Variants in ATOH8 observed in about 807,000 individuals in gnomAD.
The protein encoded by ATOH8 is atonal bHLH transcription factor 8, also known as transcription factor ATOH8.
A neutral mutation model predicts 21.2 loss-of-function variants in ATOH8; 9 were observed. That is an observed-to-expected ratio of 0.42 (90% CI 0.26 to 0.74). ATOH8 has a LOEUF of 0.74. Ranked by LOEUF, ATOH8 falls within the 30% of genes least tolerant of loss-of-function variation. The pLI, the probability that ATOH8 is intolerant of heterozygous loss-of-function variation, is 0.24. For missense variants in ATOH8, 524 were observed against 470.9 expected, an observed-to-expected ratio of 1.11 and a Z score of -1.04; for synonymous variants, 253 against 224.0, an observed-to-expected ratio of 1.13 and a Z score of -1.16.
At chr2:85,774,522 C>T (rs1337045226) in intron 2 of ATOH8, 10 of 985,482 alleles carry the variant, frequency 1.0e-5, no homozygotes, top group Non-Finnish European at 1.2e-5. Flanking sequence ...GGGAGCCATT[C>T]TCTCCTTTAA....
intron 2 of ATOH8, chr2:85,774,055 C>T: frequency 1.0e-6 from 1 of 976,318 alleles, no homozygotes; most frequent in Non-Finnish European, 1.2e-6. Context: ...GAAGCTACCC[C>T]ACCAGCTCCT....
At position 85,778,832 on chromosome 2, in the gene ATOH8, G is replaced by A. The variant is rs115135441; in HGVS notation, c.961-8053G>A. The stretch of plus-strand genomic sequence containing the variant: ...GTCGGGGCATGTGAACTTACATGTC[G>A]TGTGGGGGTGTCTGTGTAAGGATCA... On this transcript the variant is annotated intron_variant, in intron 2 of 2. Coordinates refer to ENST00000306279, the MANE Select transcript of ATOH8 (RefSeq NM_032827.7). Among the ~76,000 whole-genome samples the A allele has an allele frequency of 2.2e-3, 341 of 152,350 alleles. 4 individuals carry two copies. Among genetic ancestry groups the A allele is most frequent in the African/African-American group, 7.7e-3 (319 of 41,574 alleles).
intron 2 of ATOH8, among the ~76,000 whole-genome samples, chr2:85,767,350 C>G (rs900561119): frequency 2.6e-5 from 4 of 151,940 alleles, no homozygotes; most frequent in African/African-American, 9.7e-5. Context: ...GCACTGCTCA[C>G]AGCGCTCAGT....
chr2:85,775,158 A>G, intron 2 of ATOH8: 1 of 947,500 alleles, frequency 1.1e-6, no homozygotes, highest in South Asian at 4.9e-5. Context: ...GTGATATTAC[A>G]TCCCATGACA....
In ATOH8 at chr2:85,772,376, G is replaced by T. The variant is rs1051104001; in HGVS notation, c.960+8194G>T. Among the ~76,000 whole-genome samples, 4 of 152,214 alleles carry T rather than the reference G, an allele frequency of 2.6e-5. No homozygotes were observed. The South Asian group carries it at 8.3e-4, about 32-fold the overall frequency. Reference sequence around the variant, plus strand: ...CTGCTGGTGAGTCCATGGGAGCTCCGCTGGAACAGAGGGTCCCCCGCCCGG... The same window carrying T: ...CTGCTGGTGAGTCCATGGGAGCTCCTCTGGAACAGAGGGTCCCCCGCCCGG... On this transcript the variant is annotated intron_variant, in intron 2 of 2. Coordinates refer to ENST00000306279, the MANE Select transcript of ATOH8 (RefSeq NM_032827.7).
chr2:85,778,915 C>G (rs548296970), intron 2 of ATOH8, among the ~76,000 whole-genome samples: 14 of 152,334 alleles, frequency 9.2e-5, no homozygotes, highest in African/African-American at 3.1e-4. Context: ...GCTGGGCCAC[C>G]AGTCTGCCCA....
intron 2 of ATOH8, among the ~76,000 whole-genome samples, chr2:85,786,221 G>A (rs2104539920): frequency 6.6e-6 from 1 of 152,288 alleles, no homozygotes; most frequent in East Asian, 1.9e-4. Flanking sequence ...AGGTCTCTGG[G>A]TCCCCCTTCC....
Position 85,754,129 on chromosome 2 carries a change from G to A in ATOH8, c.-61G>A, listed in dbSNP as rs1679586140. On this transcript the variant is annotated 5_prime_UTR_variant, in exon 1 of 3. Coordinates refer to ENST00000306279, the MANE Select transcript of ATOH8 (RefSeq NM_032827.7). ...AAGCGGGAGAGCCAGAGACTCCTCG[G>A]CGCTGAGCGCGGCGGCGGCCCGGGC... 1.4e-6 allele frequency: 2 copies of A among 1,416,546 alleles called. No homozygotes were observed. The highest frequency in any genetic ancestry group is 1.8e-6 in the Non-Finnish European group (2 of 1,092,106). The allele number at this position is 1,416,546 out of a possible 1,614,324, so 87.7% of individuals were successfully genotyped here. A position where few individuals can be genotyped will look rare whatever the true frequency, so the allele number is the denominator to read the frequency against.
intron 1 of ATOH8, among the ~76,000 whole-genome samples, chr2:85,756,169 T>C (rs1182368759): frequency 2.7e-5 from 1 of 36,704 alleles, no homozygotes. Flanking sequence ...GGGAAAGTGG[T>C]CAGTGAGGTG....
In ATOH8 at chr2:85,754,735, G is replaced by GC; in HGVS notation, c.551dup (p.Thr185AspfsTer18). 1 of 1,612,526 alleles carries GC rather than the reference G, an allele frequency of 6.2e-7. No individual in the cohort carries two copies. Among genetic ancestry groups the GC allele is most frequent in the Non-Finnish European group, 8.5e-7 (1 of 1,179,726 alleles). ...CCCCGGAGTCCACTGTGCGCCCTGC[G>GC]CCCCCGACGCGCCCCGGGGAAAGTT... On this transcript the variant is annotated frameshift_variant, in exon 1 of 3. Coordinates refer to ENST00000306279, the MANE Select transcript of ATOH8 (RefSeq NM_032827.7). LOFTEE classifies it high-confidence loss of function.
Position 85,754,034 on chromosome 2 carries a change from T to G in ATOH8, c.-156T>G. On this transcript the variant is annotated 5_prime_UTR_variant, in exon 1 of 3. Transcript: ENST00000306279. ...TCCGGGAACGGACAGCCCGGCGGCT[T>G]CCCGAAGCCGGCGGCGCAGCTGCCC... 2 of 906,224 alleles carry G rather than the reference T, an allele frequency of 2.2e-6. No homozygotes were observed. The highest frequency in any genetic ancestry group is 3.0e-6 in the Non-Finnish European group (2 of 662,046). The allele number at this position is 906,224 out of a possible 1,614,324, so 56.1% of individuals were successfully genotyped here.
intron 2 of ATOH8, among the ~76,000 whole-genome samples, chr2:85,783,271 G>C (rs1356950922): frequency 1.3e-5 from 2 of 152,156 alleles, no homozygotes; most frequent in Non-Finnish European, 2.9e-5. Context: ...AGAACCTGTT[G>C]TTTAAAGGAC....
At position 85,754,510 on chromosome 2, in the gene ATOH8, G is replaced by T. The variant is rs1191565416; in HGVS notation, c.321G>T (p.Ala107=). The T allele has an allele frequency of 2.8e-6, 4 of 1,428,742 alleles. No homozygotes were observed. Among genetic ancestry groups the T allele is most frequent in the Non-Finnish European group, 3.6e-6 (4 of 1,101,026 alleles). 88.5% of individuals were successfully genotyped at this position (1,428,742 alleles called of 1,614,324 possible). The stretch of plus-strand genomic sequence containing the variant: ...CTCGGGCGCCCGAGGTCTCCGACGC[G>T]CGGAAACGCTGCTTCGCCCTAGGCG... The part of the protein sequence containing the change: ...GGSRAPEVSD[A]RKRCFALGAV... The change falls in exon 1 of 3, where the codon GCG becomes GCT. Residue 107 remains alanine (A), a synonymous_variant. Transcript: ENST00000306279.
At chr2:85,778,324 G>A (rs762815557) in intron 2 of ATOH8, among the ~76,000 whole-genome samples, 5 of 152,116 alleles carry the variant, frequency 3.3e-5, no homozygotes, top group African/African-American at 4.8e-5. Context: ...GTGCGCGCGC[G>A]TGTGTGGCAG....
chr2:85,756,347 G>A (rs1443684045), intron 1 of ATOH8, among the ~76,000 whole-genome samples: 1 of 152,130 alleles, frequency 6.6e-6, no homozygotes, highest in Non-Finnish European at 1.5e-5. Flanking sequence ...CGGTGCGTGG[G>A]GGATCCTGCA....
chr2:85,770,920 C>T (rs1457084470), intron 2 of ATOH8, among the ~76,000 whole-genome samples: 2 of 152,196 alleles, frequency 1.3e-5, no homozygotes, highest in Non-Finnish European at 2.9e-5. Context: ...AAAACCAGCT[C>T]TTCCTGCTCA....
Position 85,784,588 on chromosome 2 carries a change from ATTT to A in ATOH8, c.961-2296_961-2294del, listed in dbSNP as rs149472090. ...AAACTGGGTCATTAAAGCCACACAA[ATTT>A]GTTTACTGCAGGACTTTTCGGAGCC... On this transcript the variant is annotated intron_variant, in intron 2 of 2. Transcript: ENST00000306279. Among the ~76,000 whole-genome samples the A allele has an allele frequency of 7.7e-3, 1,171 of 152,254 alleles. 27 individuals are homozygous for A. The highest frequency in any genetic ancestry group is 0.067 in the East Asian group (348 of 5,172).
At chr2:85,763,309 C>A (rs139442740) in intron 1 of ATOH8, among the ~76,000 whole-genome samples, 9 of 152,280 alleles carry the variant, frequency 5.9e-5, no homozygotes, top group Non-Finnish European at 7.3e-5. Context: ...TAGTGAGGAG[C>A]TAGTTGGTGA....
intron 2 of ATOH8, among the ~76,000 whole-genome samples, chr2:85,768,338 C>T (rs549704098): frequency 7.2e-5 from 11 of 152,310 alleles, no homozygotes; most frequent in African/African-American, 2.4e-4. Flanking sequence ...GCTTCACAGT[C>T]ACCCTCCTGG....
Sources: gnomAD v4.1 joint callset for allele counts (sites outside exome capture counted in the v4.1 genomes callset) on GRCh38, gnomAD v4.1.1 for gene constraint, MANE v1.5 for transcripts, NCBI Gene and HGNC (gene_info 2026-07-23, HGNC 2026-07-21) for gene names.